The following MGAT4A variants were observed in gnomAD, a reference collection of about 807,000 sequenced individuals.
The protein encoded by MGAT4A is N-acetylglucosaminyltransferase IVa.
Under a neutral mutation model 74.1 loss-of-function variants are expected in MGAT4A, and 33 were observed. That is an observed-to-expected ratio of 0.45 (90% CI 0.34 to 0.60). The LOEUF (loss-of-function observed/expected upper bound fraction) is 0.60. MGAT4A is among the 20% of genes least tolerant of loss of function. The pLI, the probability that MGAT4A is intolerant of heterozygous loss-of-function variation, is 0.02. For missense variants in MGAT4A, 479 were observed against 628.3 expected (o/e 0.76, Z 2.54); for synonymous variants, 198 against 210.4 (o/e 0.94, Z 0.51).
intron 11 of MGAT4A, 53 bp from the exon 12 acceptor site, chr2:98,640,054 A>G (rs1701382392): frequency 6.4e-7 from 1 of 1,554,740 alleles, no homozygotes; most frequent in South Asian, 1.2e-5. Context: ...ATTTAAGAAG[A>G]AAAACAATAA....
chr2:98,720,419 A>G (rs1288213778), intron 2 of MGAT4A, among the ~76,000 whole-genome samples: 2 of 152,204 alleles, frequency 1.3e-5, no homozygotes, highest in Non-Finnish European at 2.9e-5. Flanking sequence ...ACATCAGCCC[A>G]GCTGGTCCTC....
At position 98,643,948 on chromosome 2, in the gene MGAT4A, T is replaced by C; in HGVS notation, c.995A>G (p.Lys332Arg). 1 of 1,570,746 alleles carries C rather than the reference T, an allele frequency of 6.4e-7. No homozygotes were observed. Among genetic ancestry groups the C allele is most frequent in the Non-Finnish European group, 8.7e-7 (1 of 1,152,116 alleles). The change falls in exon 10 of 16, where the codon AAA becomes AGA. Residue 332 changes from lysine to arginine, a missense_variant. Transcript: ENST00000393487. ...TGCATCTTTTTCAGGGTTGCAGACT[T>C]TCACCCAGAGAATATGGTCCAGGAG... ...DWLLDHILWV[K>R]VCNPEKDAKH... is the part of the protein sequence containing the mutation.
At chr2:98,705,027 A>G (rs1702404272) in intron 2 of MGAT4A, among the ~76,000 whole-genome samples, 1 of 152,158 alleles carries the variant, frequency 6.6e-6, no homozygotes, top group African/African-American at 2.4e-5. Flanking sequence ...CTACCTTATC[A>G]TTAACCCTAG....
chr2:98,634,263 G>A (rs1053762648), intron 14 of MGAT4A, among the ~76,000 whole-genome samples: 22 of 152,242 alleles, frequency 1.4e-4, no homozygotes, highest in African/African-American at 5.1e-4. Flanking sequence ...CACATACGGG[G>A]GGATCTGAAG....
chr2:98,621,347 G>A lies in MGAT4A; in HGVS notation c.*4219C>T. ...CAGTTCCCGTGGCTGTAGGACTGCA[G>A]TTCCCAGCTCCTTTGCTGTTAGCCA... On this transcript the variant is annotated 3_prime_UTR_variant, in exon 16 of 16. Coordinates refer to ENST00000393487, the MANE Select transcript of MGAT4A (RefSeq NM_012214.3). 1.3e-6 allele frequency: 2 copies of A among 1,512,910 alleles called. No homozygotes were observed. The highest frequency in any genetic ancestry group is 1.8e-6 in the Non-Finnish European group (2 of 1,127,566). 93.7% of individuals were successfully genotyped at this position (1,512,910 alleles called of 1,614,324 possible). A position where few individuals can be genotyped will look rare whatever the true frequency, so the allele number is the denominator to read the frequency against.
At chr2:98,704,775 A>T (rs935912924) in intron 2 of MGAT4A, among the ~76,000 whole-genome samples, 21 of 147,762 alleles carry the variant, frequency 1.4e-4, no homozygotes, top group African/African-American at 3.5e-4. Context: ...GCCTCAATTA[A>T]AAAAAAAAAA....
chr2:98,693,740 T>C (rs1243060076), intron 2 of MGAT4A, among the ~76,000 whole-genome samples: 1 of 150,418 alleles, frequency 6.6e-6, no homozygotes, highest in Non-Finnish European at 1.5e-5. Context: ...AATAGTTTCA[T>C]ACTTCACTCA....
intron 2 of MGAT4A, among the ~76,000 whole-genome samples, chr2:98,700,203 C>T (rs914738052): frequency 2.0e-5 from 3 of 151,994 alleles, no homozygotes; most frequent in African/African-American, 7.2e-5. Flanking sequence ...TCCAAAGGAC[C>T]ACTCCCAGGC....
chr2:98,619,268 AAAAT>A lies in MGAT4A; in HGVS notation c.*6294_*6297del, dbSNP rs1222596238. On this transcript the variant is annotated 3_prime_UTR_variant, in exon 16 of 16. Transcript: ENST00000393487. Reference sequence around the variant, plus strand: ...GTTTTCAATTATAGCAGCAAATCTGAAAATAAATAATCTTCCTTTAAAAATCCAA... The same window carrying A: ...GTTTTCAATTATAGCAGCAAATCTGAAAATAATCTTCCTTTAAAAATCCAA... 4 of 152,658 alleles carry A rather than the reference AAAAT, an allele frequency of 2.6e-5. No homozygotes were observed. Among genetic ancestry groups the A allele is most frequent in the African/African-American group, 9.6e-5 (4 of 41,468 alleles). 9.5% of individuals were successfully genotyped at this position (152,658 alleles called of 1,614,324 possible).
At chr2:98,726,196 C>T (rs1702760807) in intron 2 of MGAT4A, 43 bp downstream of exon 2, 2 of 1,539,946 alleles carry the variant, frequency 1.3e-6, no homozygotes, top group Non-Finnish European at 1.8e-6. Flanking sequence ...CAAGCAAAAA[C>T]CCTAGTACAT....
chr2:98,720,260 T>C (rs1415505855), intron 2 of MGAT4A, among the ~76,000 whole-genome samples: 1 of 152,166 alleles, frequency 6.6e-6, no homozygotes, highest in Non-Finnish European at 1.5e-5. Context: ...CTAGATGAGA[T>C]TAGTATTTGA....
At chr2:98,682,675 G>A (rs956753269) in intron 2 of MGAT4A, among the ~76,000 whole-genome samples, 6 of 151,730 alleles carry the variant, frequency 4.0e-5, no homozygotes, top group South Asian at 2.1e-4. Flanking sequence ...CAGAGATCAC[G>A]TGCCTCGTGA....
intron 2 of MGAT4A, among the ~76,000 whole-genome samples, chr2:98,695,825 T>C (rs1360690558): frequency 9.9e-5 from 15 of 152,032 alleles, no homozygotes; most frequent in Non-Finnish European, 4.4e-5. Context: ...TGTATTACTG[T>C]AAATATATGA....
chr2:98,646,857 T>C (rs1242511254), intron 8 of MGAT4A, among the ~76,000 whole-genome samples: 1 of 152,234 alleles, frequency 6.6e-6, no homozygotes, highest in African/African-American at 2.4e-5. Flanking sequence ...TGCTGGGGTT[T>C]GGGCTTCTAT....
intron 14 of MGAT4A, among the ~76,000 whole-genome samples, chr2:98,633,884 A>ATTC (rs1701279816): frequency 6.6e-6 from 1 of 152,244 alleles, no homozygotes; most frequent in African/African-American, 2.4e-5. Flanking sequence ...ATGGGCTAAG[A>ATTC]TACAGCCCAA....
chr2:98,710,239 A>G (rs1336712098), intron 2 of MGAT4A, among the ~76,000 whole-genome samples: 4 of 152,206 alleles, frequency 2.6e-5, no homozygotes, highest in Admixed American at 6.5e-5. Context: ...ACAGGGTAAG[A>G]ATGCAAGAGT....
chr2:98,639,729 A>G (rs1701377313), intron 12 of MGAT4A, 79 bp downstream of exon 12: 4 of 1,332,948 alleles, frequency 3.0e-6, no homozygotes, highest in African/African-American at 1.5e-5. Context: ...TCAGGCACAC[A>G]CACAAAAATC....
At chr2:98,677,801 A>AT (rs70940122) in intron 3 of MGAT4A, among the ~76,000 whole-genome samples, 12,350 of 121,112 alleles carry the variant, frequency 0.1, 764 homozygotes, top group African/African-American at 0.16. Context: ...CAGGTAATAA[A>AT]TTTTTTTTTT....
At chr2:98,670,484 A>C (rs1245217918) in intron 4 of MGAT4A, among the ~76,000 whole-genome samples, 1 of 152,200 alleles carries the variant, frequency 6.6e-6, no homozygotes. Flanking sequence ...TTCAAATTCT[A>C]GTTCGTATTT....
Sources: allele counts gnomAD v4.1 joint callset (sites outside exome capture counted in the v4.1 genomes callset), GRCh38; gene constraint gnomAD v4.1.1; transcripts MANE v1.5; gene names NCBI Gene and HGNC (gene_info 2026-07-23, HGNC 2026-07-21).